Variants in C16orf96 observed in about 807,000 individuals in gnomAD.
C16orf96 encodes the protein uncharacterized protein C16orf96.
C16orf96 carries 108 observed loss-of-function variants against 103.6 expected under a neutral mutation model. The observed-to-expected ratio is 1.04, with a 90% confidence interval of 0.89 to 1.22. The LOEUF (loss-of-function observed/expected upper bound fraction) is 1.22. Ranked by LOEUF, C16orf96 falls within the 50% of genes most tolerant of loss-of-function variation. The pLI is 0.00. For synonymous variants in C16orf96, 566 were observed against 593.5 expected, an observed-to-expected ratio of 0.95 and a Z score of 0.67; for missense variants, 1,586 against 1,464.2, an observed-to-expected ratio of 1.08 and a Z score of -1.36.
chr16:4,585,140 C>G (rs1224040515), intron 7 of C16orf96, among the ~76,000 whole-genome samples: 4 of 151,836 alleles, frequency 2.6e-5, no homozygotes, highest in African/African-American at 7.3e-5. Context: ...GACTGAGACC[C>G]TGTCTCAAAA....
chr16:4,566,017 G>C (rs1002672176), intron 1 of C16orf96, among the ~76,000 whole-genome samples: 1 of 152,024 alleles, frequency 6.6e-6, no homozygotes, highest in Non-Finnish European at 1.5e-5. Flanking sequence ...TAATTTTTAA[G>C]TTTTATGTAG....
At position 4,600,316 on chromosome 16, in the gene C16orf96, G is replaced by T; in HGVS notation, c.3425G>T (p.Ter1142LeuextTer35). The T allele has an allele frequency of 6.5e-7, 1 of 1,546,902 alleles. No homozygotes were observed. The highest frequency in any genetic ancestry group is 8.7e-7 in the Non-Finnish European group (1 of 1,145,600). The change falls in exon 16 of 16, where the codon TGA (stop) becomes TTA (leucine). Residue 1142 changes from the stop codon to leucine (L), a stop_lost. Transcript: ENST00000444310. ...CCCCCCGAGGAGCCCGCCAACCCGT[G>T]AGCCCCACCCCGCTGCGCCCCCCAT... ...RKPPEEPANP* is the reference protein window; with the variant it reads ...RKPPEEPANPL
chr16:4,587,202 G>C, intron 8 of C16orf96, 89 bp downstream of exon 8: 1 of 1,230,248 alleles, frequency 8.1e-7, no homozygotes, highest in Non-Finnish European at 1.2e-6. Context: ...GAGTCTTCCA[G>C]AATTTCCCTC....
At chr16:4,565,214 CTATGGCATGGGT>C (rs2059374575) in intron 1 of C16orf96, among the ~76,000 whole-genome samples, 1 of 152,146 alleles carries the variant, frequency 6.6e-6, no homozygotes, top group South Asian at 2.1e-4. Context: ...GCCTCGAGGA[CTATGGCATGGGT>C]CAGCTTCTGG....
chr16:4,579,931 G>T, intron 6 of C16orf96, 84 bp from the exon 7 acceptor site: 2 of 1,167,786 alleles, frequency 1.7e-6, no homozygotes, highest in Non-Finnish European at 2.5e-6. Context: ...CATTCTTCTT[G>T]GCCTCAACCC....
intron 14 of C16orf96, 45 bp downstream of exon 14, chr16:4,594,848 G>A: frequency 3.9e-6 from 6 of 1,532,246 alleles, no homozygotes; most frequent in Non-Finnish European, 5.3e-6. Context: ...CTGGGGCCCT[G>A]GTTCTGCTGG....
chr16:4,543,205 A>T, the C16orf96 span, among the ~76,000 whole-genome samples: 1 of 152,164 alleles, frequency 6.6e-6, no homozygotes, highest in Non-Finnish European at 1.5e-5. Flanking sequence ...GATGTGTAGG[A>T]TTCCCCAGGT....
At chr16:4,547,731 T>C in the C16orf96 span, among the ~76,000 whole-genome samples, 29 of 131,764 alleles carry the variant, frequency 2.2e-4, no homozygotes, top group African/African-American at 7.4e-4. Flanking sequence ...TTTCTTTCTT[T>C]CTTTCTCCTT....
At position 4,576,471 on chromosome 16, in the gene C16orf96, C is replaced by G; in HGVS notation, c.1991C>G (p.Ser664Cys). 6.4e-7 allele frequency: 1 copy of G among 1,551,480 alleles called. No individual in the cohort carries two copies. Among genetic ancestry groups the G allele is most frequent in the Admixed American group, 2.0e-5 (1 of 51,004 alleles). The change falls in exon 5 of 16, where the codon TCC (serine) becomes TGC (cysteine). Residue 664 changes from serine (S) to cysteine (C), a missense_variant. Coordinates refer to ENST00000444310, the MANE Select transcript of C16orf96 (RefSeq NM_001145011.2). ...AGCATCGGTCCCGATCCAGCCCTGT[C>G]CCAGGCCATGGTGGCTACCAAGCAG... ...AASIGPDPAL[S>C]QAMVATKQAM...
chr16:4,594,654 G>A (rs1897132217), intron 13 of C16orf96, 50 bp from the exon 14 acceptor site: 5 of 1,546,660 alleles, frequency 3.2e-6, no homozygotes, highest in Non-Finnish European at 4.4e-6. Flanking sequence ...AAAGTTCGGG[G>A]GCAGATCGGG....
At chr16:4,565,870 T>C (rs1377778032) in intron 1 of C16orf96, among the ~76,000 whole-genome samples, 1 of 152,196 alleles carries the variant, frequency 6.6e-6, no homozygotes, top group Non-Finnish European at 1.5e-5. Context: ...AGGGACAAGG[T>C]CTTGCTCTGT....
At chr16:4,567,074 G>C (rs778022952) in intron 1 of C16orf96, among the ~76,000 whole-genome samples, 2 of 151,846 alleles carry the variant, frequency 1.3e-5, no homozygotes, top group East Asian at 1.9e-4. Flanking sequence ...CTTTGTTCCA[G>C]TGTCTTAAGG....
At chr16:4,575,110 G>A in intron 4 of C16orf96, 52 bp downstream of exon 4, 3 of 1,549,482 alleles carry the variant, frequency 1.9e-6, no homozygotes, top group Non-Finnish European at 2.6e-6. Context: ...GCAGGCGGGT[G>A]GCTGACTGAG....
intron 5 of C16orf96, among the ~76,000 whole-genome samples, chr16:4,578,713 G>A (rs552049149): frequency 3.3e-5 from 5 of 152,192 alleles, no homozygotes; most frequent in Non-Finnish European, 5.9e-5. Context: ...AGCCGAGATC[G>A]CGCCACTGCA....
At chr16:4,571,769 C>T (rs953553350) in intron 2 of C16orf96, 104 bp downstream of exon 2, 3 of 1,012,830 alleles carry the variant, frequency 3.0e-6, no homozygotes, top group Non-Finnish European at 2.9e-6. Flanking sequence ...GCCAAGAGTG[C>T]AGCTGTGAGG....
At chr16:4,581,277 C>G (rs1298905077) in intron 7 of C16orf96, among the ~76,000 whole-genome samples, 4 of 146,692 alleles carry the variant, frequency 2.7e-5, no homozygotes, top group African/African-American at 1.0e-4. Context: ...GGAGGTTGCA[C>G]TGAGCTGAGA....
chr16:4,562,420 A>G (rs1003373905), intron 1 of C16orf96, among the ~76,000 whole-genome samples: 4 of 149,868 alleles, frequency 2.7e-5, no homozygotes, highest in Non-Finnish European at 4.4e-5. Flanking sequence ...GCAGTGAGCT[A>G]TTATTAATAT....
chr16:4,584,430 C>T (rs1386693046), intron 7 of C16orf96, among the ~76,000 whole-genome samples: 4 of 143,390 alleles, frequency 2.8e-5, no homozygotes, highest in African/African-American at 5.2e-5. Context: ...TCATTGTAAC[C>T]TCCGCCTCCC....
intron 11 of C16orf96, among the ~76,000 whole-genome samples, chr16:4,592,997 A>T (rs1897093827): frequency 6.6e-6 from 1 of 152,168 alleles, no homozygotes; most frequent in African/African-American, 2.4e-5. Flanking sequence ...TTGGAAATAG[A>T]ACAATTGTTT....
Sources: allele counts gnomAD v4.1 joint callset (sites outside exome capture counted in the v4.1 genomes callset), GRCh38; gene constraint gnomAD v4.1.1; transcripts MANE v1.5; gene names NCBI Gene and HGNC (gene_info 2026-07-23, HGNC 2026-07-21).